Variants in DEPDC5 observed in about 807,000 individuals in gnomAD.
DEPDC5 encodes GATOR1 complex protein DEPDC5.
DEPDC5 carries 73 observed loss-of-function variants against 217.3 expected under a neutral mutation model. The ratio of observed to expected loss-of-function variants is 0.34; its 90% CI spans 0.28 to 0.41. The LOEUF (loss-of-function observed/expected upper bound fraction) is 0.41. DEPDC5 is among the 10% of genes least tolerant of loss of function. The pLI is 1.00. For missense variants in DEPDC5, 1,675 were observed against 2,070.1 expected, an observed-to-expected ratio of 0.81 and a Z score of 3.70; for synonymous variants, 733 against 756.7, an observed-to-expected ratio of 0.97 and a Z score of 0.51.
chr22:31,764,702 C>A (rs2082669931), intron 4 of DEPDC5, among the ~76,000 whole-genome samples: 1 of 152,182 alleles, frequency 6.6e-6, no homozygotes, highest in South Asian at 2.1e-4. Context: ...AGGTGTTAGC[C>A]ACCATACCCA....
chr22:31,845,218 G>A lies in DEPDC5; in HGVS notation c.3002G>A (p.Arg1001His), dbSNP rs1473617562. 7 of 1,613,820 alleles carry A rather than the reference G, an allele frequency of 4.3e-6. No individual in the cohort carries two copies. Among genetic ancestry groups the A allele is most frequent in the Middle Eastern group, 1.6e-4 (1 of 6,082 alleles). Residue 1001 changes from arginine (R) to histidine (H), a missense_variant, in exon 30 of 43, where the codon CGC becomes CAC. Arg to His is a conservative substitution (Grantham distance 29). Around this residue, in one of 11 missense-constraint regions of DEPDC5, gnomAD observed 293 missense variants for 386.1 expected, o/e 0.76. Coordinates refer to ENST00000651528, the MANE Select transcript of DEPDC5 (RefSeq NM_001242896.3). ...TTGAATCGCATTCGCAGGCGGCATC[G>A]CTCGGATCGCATGATGCGGGTAAGG... ...EGLNRIRRRH[R>H]SDRMMRKGTA...
At chr22:31,837,355 T>C in intron 26 of DEPDC5, 200 bp downstream of exon 26, 1 of 619,422 alleles carries the variant, frequency 1.6e-6, no homozygotes, top group South Asian at 2.5e-5. Context: ...TTTTTTCCTT[T>C]TTTTTTTTTA....
intron 38 of DEPDC5, among the ~76,000 whole-genome samples, chr22:31,890,776 A>G: frequency 6.6e-6 from 1 of 151,632 alleles, no homozygotes; most frequent in Non-Finnish European, 1.5e-5. Context: ...CCCAGGCTAG[A>G]GTGCAATGGT....
chr22:31,847,320 C>A (rs2091794199), intron 31 of DEPDC5, among the ~76,000 whole-genome samples: 1 of 151,430 alleles, frequency 6.6e-6, no homozygotes, highest in Admixed American at 6.6e-5. Context: ...GAGTTTGAGA[C>A]CAGCCTGGCC....
chr22:31,772,806 G>C (rs2083474547), intron 7 of DEPDC5, among the ~76,000 whole-genome samples: 1 of 151,326 alleles, frequency 6.6e-6, no homozygotes, highest in South Asian at 2.1e-4. Flanking sequence ...TTCTGAGACA[G>C]AGTCTTTCTC....
At position 31,760,672 on chromosome 22, in the gene DEPDC5, G is replaced by C. The variant is rs769423746; in HGVS notation, c.163G>C (p.Val55Leu). 1.2e-6 allele frequency: 2 copies of C among 1,613,348 alleles called. No individual in the cohort carries two copies. The highest frequency in any genetic ancestry group is 1.7e-6 in the Non-Finnish European group (2 of 1,179,750). ...CTTTTTCAGCCCTCTGCTTTTGCAGGTCAAGTCTCTTAAGGAAGATTTACA... is the reference window on the plus strand; with the variant it reads ...CTTTTTCAGCCCTCTGCTTTTGCAGCTCAAGTCTCTTAAGGAAGATTTACA... The part of the protein sequence containing the change: ...NDEYSPLLLQ[V>L]KSLKEDLQKE... The change falls in exon 4 of 43, where the codon GTC becomes CTC. Residue 55 changes from valine (V) to leucine (L), a missense_variant. Val to Leu is a conservative substitution (Grantham distance 32). This residue lies in a region of DEPDC5 where 628 missense variants were observed against 762.1 expected (regional missense o/e 0.82). Transcript: ENST00000651528.
chr22:31,904,404 C>A (rs2093719798), intron 41 of DEPDC5, among the ~76,000 whole-genome samples: 1 of 152,136 alleles, frequency 6.6e-6, no homozygotes, highest in African/African-American at 2.4e-5. Flanking sequence ...AAAAAAAAAT[C>A]AGGCTGATCC....
chr22:31,857,529 C>T lies in DEPDC5; in HGVS notation c.3240C>T (p.Pro1080=), dbSNP rs769986532. Residue 1080 remains proline, a synonymous_variant, in exon 32 of 43, where the codon CCC becomes CCT. Transcript: ENST00000651528. ...AGAGCAGCAGCGTTGCCATGACTCCCACCTACATGGACAGCCCACGAAAGG... is the reference window on the plus strand; with the variant it reads ...AGAGCAGCAGCGTTGCCATGACTCCTACCTACATGGACAGCCCACGAAAGG... ...SAESSSVAMT[P]TYMDSPRKDG... The T allele has an allele frequency of 1.2e-6, 2 of 1,611,666 alleles. No individual in the cohort carries two copies. The highest frequency in any genetic ancestry group is 1.1e-5 in the South Asian group (1 of 90,292).
intron 18 of DEPDC5, 73 bp from the exon 19 acceptor site, chr22:31,809,538 T>C (rs1416621458): frequency 1.3e-6 from 2 of 1,525,126 alleles, no homozygotes; most frequent in Admixed American, 1.7e-5. Context: ...GAGCAGCACA[T>C]ATATACTGTG....
chr22:31,794,258 C>G (rs1293231016), intron 12 of DEPDC5, among the ~76,000 whole-genome samples: 1 of 152,108 alleles, frequency 6.6e-6, no homozygotes, highest in South Asian at 2.1e-4. Context: ...TGTACTGACA[C>G]CTCCACTCAT....
At chr22:31,862,069 C>T (rs112059324) in intron 33 of DEPDC5, among the ~76,000 whole-genome samples, 301 of 151,842 alleles carry the variant, frequency 2.0e-3, no homozygotes, top group Non-Finnish European at 3.6e-3. Flanking sequence ...GGAGAAACCC[C>T]ATCTCTACTA....
intron 20 of DEPDC5, among the ~76,000 whole-genome samples, chr22:31,812,851 G>A (rs746406175): frequency 8.0e-6 from 1 of 125,030 alleles, no homozygotes; most frequent in Non-Finnish European, 1.8e-5. Flanking sequence ...AGCAAGTCTT[G>A]TGCCTCAGCC....
At chr22:31,823,389 C>T (rs1316913098) in intron 24 of DEPDC5, among the ~76,000 whole-genome samples, 1 of 151,942 alleles carries the variant, frequency 6.6e-6, no homozygotes, top group Non-Finnish European at 1.5e-5. Context: ...AAAGATTAGC[C>T]AGGCATGGTG....
At chr22:31,888,219 C>G (rs79240090) in intron 38 of DEPDC5, among the ~76,000 whole-genome samples, 1 of 144,168 alleles carries the variant, frequency 6.9e-6, no homozygotes, top group African/African-American at 2.6e-5. Context: ...GCCTTTCCTT[C>G]TCAGCCTTGT....
At chr22:31,819,441 G>A (rs191596511) in intron 22 of DEPDC5, among the ~76,000 whole-genome samples, 2 of 151,938 alleles carry the variant, frequency 1.3e-5, no homozygotes, top group East Asian at 3.9e-4. Flanking sequence ...ATAAACCTGA[G>A]GGCTTTTTTG....
rs139962479 is a variant in DEPDC5, at chr22:31,789,116, C to T, written c.625-2917C>T. 1.6e-3 allele frequency among the ~76,000 whole-genome samples: 250 copies of T among 152,256 alleles called. 1 individual carries two copies. The highest frequency in any genetic ancestry group is 5.7e-3 in the African/African-American group (237 of 41,536). On this transcript the variant is annotated intron_variant, in intron 10 of 42. Transcript: ENST00000651528. ...TTCACCATGTTGGCCAGGCTGGTCT[C>T]GAACTCCTGGCCTTAAGTGATCTCC...
intron 37 of DEPDC5, among the ~76,000 whole-genome samples, chr22:31,879,080 A>G (rs1275085800): frequency 7.1e-6 from 1 of 141,758 alleles, no homozygotes; most frequent in Non-Finnish European, 1.5e-5. Flanking sequence ...ACACACACAC[A>G]CGTATATATA....
rs760911724 is a variant in DEPDC5, at chr22:31,819,215, T to C, written c.1860T>C (p.Thr620=). The C allele has an allele frequency of 3.1e-6, 5 of 1,613,982 alleles. No homozygotes were observed. The African/African-American group carries it at 6.7e-5, about 22-fold the overall frequency. The change falls in exon 22 of 43, where the codon ACT becomes ACC. Residue 620 remains threonine (T), a synonymous_variant. Transcript: ENST00000651528. ...LTSNRRRWMH[T]FPVGPSGEAI... is the part of the protein sequence containing the mutation. The stretch of plus-strand genomic sequence containing the variant: ...CCAACAGAAGGCGCTGGATGCACAC[T>C]TTTCCTGTGGGTAAGTTGGTTGCTT...
Position 31,804,156 on chromosome 22 carries a change from T to C in DEPDC5, c.1082-6T>C, listed in dbSNP as rs2148649145. 6.2e-7 allele frequency: 1 copy of C among 1,614,130 alleles called. No homozygotes were observed. Among genetic ancestry groups the C allele is most frequent in the East Asian group, 2.2e-5 (1 of 44,884 alleles). ...CCACAATTCTTTTTGTCTTTTCTTT[T>C]TTTAGGAATTGGTGTGGATTTGGTG... On this transcript the variant is annotated splice_polypyrimidine_tract_variant and splice_region_variant and intron_variant, in intron 15 of 42. Transcript: ENST00000651528.
Sources: gnomAD v4.1 joint callset for allele counts (sites outside exome capture counted in the v4.1 genomes callset) on GRCh38, gnomAD v4.1.1 for gene constraint, gnomAD v4.1.1 regional missense constraint, MANE v1.5 for transcripts, NCBI Gene and HGNC (gene_info 2026-07-23, HGNC 2026-07-21) for gene names.